DYNLRB1: variants seen among roughly 807,000 people sequenced by gnomAD.
DYNLRB1 encodes dynein light chain roadblock-type 1.
Under a neutral mutation model 13.5 loss-of-function variants are expected in DYNLRB1, and 6 were observed. The observed-to-expected ratio is 0.44, with a 90% CI of 0.24 to 0.88. DYNLRB1 has a LOEUF of 0.88. Ranked by LOEUF, DYNLRB1 falls within the 40% of genes least tolerant of loss-of-function variation. The pLI is 0.21. For synonymous variants in DYNLRB1, 43 were observed against 45.0 expected, an observed-to-expected ratio of 0.96 and a Z score of 0.18; for missense variants, 93 against 127.2, an observed-to-expected ratio of 0.73 and a Z score of 1.29.
At chr20:34,516,829 GCA>G in intron 1 of DYNLRB1, 1 of 1,549,372 alleles carries the variant, frequency 6.5e-7, no homozygotes, top group Non-Finnish European at 8.7e-7. Flanking sequence ...GCTCTGCCAA[GCA>G]CTTTATGTAT....
intron 2 of DYNLRB1, among the ~76,000 whole-genome samples, chr20:34,528,882 G>A (rs1980474350): frequency 6.6e-6 from 1 of 152,138 alleles, no homozygotes; most frequent in Non-Finnish European, 1.5e-5. Context: ...GCTAAGACAG[G>A]AGGATTCCTT....
chr20:34,518,892 C>CTT (rs538129814), intron 1 of DYNLRB1, among the ~76,000 whole-genome samples: 1 of 146,136 alleles, frequency 6.8e-6, no homozygotes, highest in Non-Finnish European at 1.5e-5. Context: ...CCTAGTTTAA[C>CTT]TTTTTTTTTT....
At chr20:34,538,001 T>TTTTTC (rs1981292711) in intron 3 of DYNLRB1, among the ~76,000 whole-genome samples, 1 of 149,806 alleles carries the variant, frequency 6.7e-6, no homozygotes, top group Non-Finnish European at 1.5e-5. Flanking sequence ...TTTTTTTTTT[T>TTTTTC]TTTTGAGACA....
intron 2 of DYNLRB1, among the ~76,000 whole-genome samples, chr20:34,528,229 G>T (rs1167995276): frequency 2.5e-5 from 2 of 80,154 alleles, no homozygotes; most frequent in African/African-American, 1.0e-4. Flanking sequence ...GGAGAATGGC[G>T]TGAACCCGGG....
chr20:34,530,573 G>A (rs2146639487), intron 2 of DYNLRB1: 1 of 153,058 alleles, frequency 6.5e-6, no homozygotes, highest in Admixed American at 6.5e-5. Context: ...CGAGGCAAGG[G>A]TTTGCCCAGT....
At chr20:34,526,190 ATGATTCATC>A in intron 1 of DYNLRB1, 69 bp from the exon 2 acceptor site, 1 of 1,489,848 alleles carries the variant, frequency 6.7e-7, no homozygotes, top group Non-Finnish European at 9.3e-7. Context: ...AGACAAACGT[ATGATTCATC>A]TGCCTGGGGT....
rs528524471 is a variant in DYNLRB1 at position 34,534,610 on chromosome 20, C to T, written c.80-18C>T. 6.5e-6 allele frequency: 10 copies of T among 1,542,316 alleles called. No homozygotes were observed. Among genetic ancestry groups the T allele is most frequent in the African/African-American group, 2.7e-5 (2 of 72,902 alleles). ...AGGGGCTCCACATCCTCTCAGTCTC[C>T]GTCTGCTCTCCCCTCAGGCATTCCC... On this transcript the variant is annotated intron_variant, in intron 2 of 3. Transcript: ENST00000357156.
intron 3 of DYNLRB1, 103 bp from the exon 4 acceptor site, chr20:34,540,478 C>A: frequency 9.0e-7 from 1 of 1,106,488 alleles, no homozygotes; most frequent in Non-Finnish European, 1.3e-6. Flanking sequence ...GCTTTCTCCC[C>A]TTCCTCATTT....
intron 3 of DYNLRB1, chr20:34,536,435 C>T: frequency 1.0e-6 from 1 of 985,336 alleles, no homozygotes; most frequent in Non-Finnish European, 1.2e-6. Flanking sequence ...CTGCAGAGGA[C>T]AAAGCTTCAC....
Position 34,528,184 on chromosome 20 carries a change from C to T in DYNLRB1, c.79+1841C>T, listed in dbSNP as rs1489236205. Among the ~76,000 whole-genome samples, 4 of 91,038 alleles carry T rather than the reference C, an allele frequency of 4.4e-5. 2 individuals carry two copies. The highest frequency in any genetic ancestry group is 9.3e-5 in the Non-Finnish European group (4 of 42,840). The allele number at this position is 91,038 out of a possible 152,430, so 59.7% of individuals were successfully genotyped here. On this transcript the variant is annotated intron_variant, in intron 2 of 3. Coordinates refer to ENST00000357156, the MANE Select transcript of DYNLRB1 (RefSeq NM_014183.4). ...AAAATTAGCCGGGCGTAGTGGCGGG[C>T]GCCTGTAGTCCCAGCTACTTGGGAG...
intron 1 of DYNLRB1, among the ~76,000 whole-genome samples, chr20:34,517,966 TGGACG>T (rs1979392806): frequency 6.6e-6 from 1 of 152,216 alleles, no homozygotes; most frequent in Admixed American, 6.5e-5. Context: ...TACCTATTGA[TGGACG>T]CTAATTCCAT....
intron 3 of DYNLRB1, 41 bp from the exon 4 acceptor site, chr20:34,540,540 T>C: frequency 6.3e-7 from 1 of 1,584,542 alleles, no homozygotes; most frequent in South Asian, 1.1e-5. Flanking sequence ...TTTTCTCTCA[T>C]TTTACATTTA....
chr20:34,516,857 C>T (rs780956140), intron 1 of DYNLRB1: 1 of 1,540,518 alleles, frequency 6.5e-7, no homozygotes, highest in South Asian at 1.2e-5. Flanking sequence ...ATTTCCTCCG[C>T]CTCCTCCCAG....
At chr20:34,516,527 C>A in intron 1 of DYNLRB1, 66 bp downstream of exon 1, 2 of 1,603,412 alleles carry the variant, frequency 1.2e-6, no homozygotes, top group Non-Finnish European at 1.7e-6. Context: ...CTTCAGTCTT[C>A]CGAGGATGAG....
intron 2 of DYNLRB1, among the ~76,000 whole-genome samples, chr20:34,526,978 G>A (rs916996333): frequency 6.6e-6 from 1 of 152,188 alleles, no homozygotes; most frequent in Non-Finnish European, 1.5e-5. Context: ...AGTGGTATCT[G>A]TGTAGGTAGA....
At chr20:34,523,460 T>G (rs1295376009) in intron 1 of DYNLRB1, among the ~76,000 whole-genome samples, 1 of 152,188 alleles carries the variant, frequency 6.6e-6, no homozygotes, top group Non-Finnish European at 1.5e-5. Flanking sequence ...GTCCCTCCCC[T>G]GCTCCCTGCC....
At chr20:34,523,516 A>G (rs1233488037) in intron 1 of DYNLRB1, among the ~76,000 whole-genome samples, 5 of 151,916 alleles carry the variant, frequency 3.3e-5, no homozygotes, top group Admixed American at 6.6e-5. Flanking sequence ...AACATACCGG[A>G]TGCTTGCCCA....
intron 3 of DYNLRB1, chr20:34,535,358 G>A (rs748474345): frequency 3.3e-5 from 33 of 985,242 alleles, no homozygotes; most frequent in Admixed American, 6.1e-5. Context: ...CCTGCCGCAC[G>A]GGAGCAGATT....
chr20:34,538,395 C>T (rs929624679), intron 3 of DYNLRB1, among the ~76,000 whole-genome samples: 4 of 151,910 alleles, frequency 2.6e-5, no homozygotes, highest in Non-Finnish European at 5.9e-5. Context: ...CATGATCACG[C>T]CACTGCACTC....
Sources: allele counts gnomAD v4.1 joint callset (sites outside exome capture counted in the v4.1 genomes callset), GRCh38; gene constraint gnomAD v4.1.1; transcripts MANE v1.5; gene names NCBI Gene and HGNC (gene_info 2026-07-23, HGNC 2026-07-21).